Variants in NRP2 observed in about 807,000 individuals in gnomAD.
NRP2 encodes neuropilin-2.
A neutral mutation model predicts 110.4 loss-of-function variants in NRP2; 52 were observed. That is an observed-to-expected ratio of 0.47 (90% CI 0.38 to 0.59). The LOEUF (loss-of-function observed/expected upper bound fraction) is 0.59. Ranked by LOEUF, NRP2 falls within the 20% of genes least tolerant of loss-of-function variation. The probability of loss-of-function intolerance (pLI) is 0.00; values close to 1 mark genes in which losing one functional copy is unlikely to be tolerated. For synonymous variants in NRP2, 508 were observed against 468.9 expected (o/e 1.08, Z -1.08); for missense variants, 1,049 against 1,203.0 (o/e 0.87, Z 1.89).
At chr2:205,762,972 C>T (rs1256544232) in intron 12 of NRP2, among the ~76,000 whole-genome samples, 1 of 152,208 alleles carries the variant, frequency 6.6e-6, no homozygotes, top group Admixed American at 6.5e-5. Flanking sequence ...ATGACAGCAC[C>T]TTTATCACTG....
chr2:205,687,489 C>T (rs2056199396), intron 1 of NRP2, among the ~76,000 whole-genome samples: 1 of 152,198 alleles, frequency 6.6e-6, no homozygotes, highest in African/African-American at 2.4e-5. Context: ...GGCCAGTTGC[C>T]AGCAGAGCAC....
At chr2:205,696,852 T>C (rs1398297682) in intron 1 of NRP2, among the ~76,000 whole-genome samples, 1 of 152,352 alleles carries the variant, frequency 6.6e-6, no homozygotes. Flanking sequence ...GATTCTCTAA[T>C]ACAGATTTTT....
chr2:205,760,129 G>T (rs2057797228), intron 12 of NRP2, among the ~76,000 whole-genome samples: 1 of 152,212 alleles, frequency 6.6e-6, no homozygotes, highest in African/African-American at 2.4e-5. Context: ...TCACAGGGAA[G>T]GTGACATCAG....
At chr2:205,690,626 A>G (rs1029519539) in intron 1 of NRP2, among the ~76,000 whole-genome samples, 34 of 124,498 alleles carry the variant, frequency 2.7e-4, no homozygotes, top group Non-Finnish European at 4.1e-4. Context: ...ACACACACAC[A>G]CACAATAGCT....
chr2:205,716,021 C>T (rs2056886559), intron 2 of NRP2, among the ~76,000 whole-genome samples, 172 bp from the exon 3 acceptor site: 1 of 152,238 alleles, frequency 6.6e-6, no homozygotes, highest in African/African-American at 2.4e-5. Context: ...GCACAACGAC[C>T]TGCAGTATCT....
intron 11 of NRP2, 101 bp from the exon 12 acceptor site, chr2:205,752,734 T>A (rs936543332): frequency 8.0e-7 from 1 of 1,256,732 alleles, no homozygotes; most frequent in African/African-American, 1.5e-5. Flanking sequence ...CTTTCTCTGC[T>A]CTCCACTCAG....
At chr2:205,783,726 G>A (rs1037357153) in intron 15 of NRP2, among the ~76,000 whole-genome samples, 3 of 152,240 alleles carry the variant, frequency 2.0e-5, no homozygotes, top group Admixed American at 6.5e-5. Flanking sequence ...AATGGCGGGT[G>A]GAGGAGAAGC....
intron 9 of NRP2, among the ~76,000 whole-genome samples, chr2:205,744,567 C>T (rs6712526): frequency 8.0e-4 from 122 of 152,314 alleles, no homozygotes; most frequent in African/African-American, 2.6e-3. Flanking sequence ...GGGGAGGAGA[C>T]GTCATACCTC....
Position 205,726,154 on chromosome 2 carries a change from A to G in NRP2, c.990+72A>G, listed in dbSNP as rs1263015604. The G allele has an allele frequency of 3.4e-6, 5 of 1,480,698 alleles. No individual in the cohort carries two copies. In the African/African-American group the frequency reaches 5.5e-5, roughly 16 times the overall value. 91.7% of individuals were successfully genotyped at this position (1,480,698 alleles called of 1,614,324 possible). A position where few individuals can be genotyped will look rare whatever the true frequency, so the allele number is the denominator to read the frequency against. ...GGGGTAGGAGGGTAGCTCCTCAAAT[A>G]CAGTAGGCAGAGGACACAAAGAAAA... On this transcript the variant is annotated intron_variant, in intron 6 of 16. Coordinates refer to ENST00000357785, the MANE Select transcript of NRP2 (RefSeq NM_003872.3).
At chr2:205,710,882 C>T (rs955708693) in intron 2 of NRP2, among the ~76,000 whole-genome samples, 3 of 152,212 alleles carry the variant, frequency 2.0e-5, no homozygotes, top group Non-Finnish European at 4.4e-5. Flanking sequence ...AAATATGGAA[C>T]TTTGAAAGTG....
chr2:205,738,112 T>C (rs1350530345), intron 7 of NRP2, among the ~76,000 whole-genome samples: 1 of 152,244 alleles, frequency 6.6e-6, no homozygotes, highest in Non-Finnish European at 1.5e-5. Flanking sequence ...ACATAAGACA[T>C]GCTGTGTTTC....
At chr2:205,685,460 G>T (rs2056126841) in intron 1 of NRP2, among the ~76,000 whole-genome samples, 1 of 152,248 alleles carries the variant, frequency 6.6e-6, no homozygotes, top group African/African-American at 2.4e-5. Context: ...AAGGGGGCCT[G>T]GTTCAGCCGC....
chr2:205,774,489 T>G (rs1259190615), intron 15 of NRP2, among the ~76,000 whole-genome samples: 1 of 152,142 alleles, frequency 6.6e-6, no homozygotes, highest in Admixed American at 6.5e-5. Context: ...GCTGTCAAGG[T>G]GTGTGCAGAG....
intron 1 of NRP2, among the ~76,000 whole-genome samples, chr2:205,690,747 T>A (rs1270732823): frequency 6.6e-6 from 1 of 151,950 alleles, no homozygotes; most frequent in Non-Finnish European, 1.5e-5. Flanking sequence ...GCCACTGCAC[T>A]CTAGCCTGGG....
intron 12 of NRP2, among the ~76,000 whole-genome samples, chr2:205,754,555 G>A (rs190435594): frequency 2.6e-4 from 40 of 152,278 alleles, no homozygotes; most frequent in Admixed American, 9.2e-4. Flanking sequence ...TCCCTTCTCT[G>A]TTCACTGCAA....
intron 15 of NRP2, chr2:205,779,813 T>C (rs2058153570): frequency 6.6e-6 from 1 of 152,238 alleles, no homozygotes; most frequent in Admixed American, 6.5e-5. Flanking sequence ...CCTTCTGAGC[T>C]ACAGGGCATT....
At chr2:205,788,359 G>T (rs557473551) in intron 15 of NRP2, among the ~76,000 whole-genome samples, 1 of 152,272 alleles carries the variant, frequency 6.6e-6, no homozygotes, top group African/African-American at 2.4e-5. Flanking sequence ...ATTCAGAGCT[G>T]ACCTCTTTCT....
intron 2 of NRP2, among the ~76,000 whole-genome samples, chr2:205,709,164 C>T (rs546362655): frequency 1.6e-4 from 25 of 152,296 alleles, no homozygotes; most frequent in South Asian, 4.1e-4. Context: ...GAAATAAAAT[C>T]TCGAAAACTC....
intron 7 of NRP2, among the ~76,000 whole-genome samples, chr2:205,736,967 G>T (rs555193662): frequency 1.3e-5 from 2 of 152,280 alleles, no homozygotes; most frequent in Non-Finnish European, 2.9e-5. Flanking sequence ...GGGAGATGCA[G>T]GGAGAAAAAT....
Sources: allele counts gnomAD v4.1 joint callset (sites outside exome capture counted in the v4.1 genomes callset), GRCh38; gene constraint gnomAD v4.1.1; transcripts MANE v1.5; gene names NCBI Gene and HGNC (gene_info 2026-07-23, HGNC 2026-07-21).